PLCH1: variants seen among roughly 807,000 people sequenced by gnomAD.
PLCH1 encodes the protein 1-phosphatidylinositol 4,5-bisphosphate phosphodiesterase eta-1.
In PLCH1, 60 loss-of-function variants were observed where a neutral mutation model predicts 126.7. The ratio of observed to expected loss-of-function variants is 0.47; its 90% CI spans 0.38 to 0.59. The LOEUF (loss-of-function observed/expected upper bound fraction) is 0.59. PLCH1 is among the 20% of genes least tolerant of loss of function. The pLI is 0.00. For missense variants in PLCH1, 1,723 were observed against 2,040.0 expected (o/e 0.84, Z 2.99); for synonymous variants, 719 against 734.9 (o/e 0.98, Z 0.35).
intron 2 of PLCH1, among the ~76,000 whole-genome samples, chr3:155,648,449 T>G (rs918354807): frequency 2.6e-5 from 4 of 152,164 alleles, no homozygotes; most frequent in Non-Finnish European, 4.4e-5. Context: ...GAAAAAAGAC[T>G]CTTCCCCTTT....
At chr3:155,645,025 T>C (rs1739859715) in intron 2 of PLCH1, among the ~76,000 whole-genome samples, 1 of 152,180 alleles carries the variant, frequency 6.6e-6, no homozygotes, top group Non-Finnish European at 1.5e-5. Context: ...TTCTCATACA[T>C]GATCTCAACT....
intron 1 of PLCH1, among the ~76,000 whole-genome samples, chr3:155,735,835 T>C (rs1003181949): frequency 2.6e-5 from 4 of 152,180 alleles, no homozygotes; most frequent in African/African-American, 9.7e-5. Context: ...TGCTGATATA[T>C]AATGATACAC....
In PLCH1 at chr3:155,609,486, T is replaced by C. The variant is rs143772582; in HGVS notation, c.80-13108A>G. ...TTCTGGTACTATGACAAAAAAAGAT[T>C]CTATAGTACCCTCAAAAGATCACAC... On this transcript the variant is annotated intron_variant, in intron 2 of 22. Coordinates refer to ENST00000460012, the MANE Select transcript of PLCH1 (RefSeq NM_014996.4). Among the ~76,000 whole-genome samples, 12 of 152,180 alleles carry C rather than the reference T, an allele frequency of 7.9e-5. No homozygotes were observed. The East Asian group carries it at 1.9e-3, about 25-fold the overall frequency.
intron 2 of PLCH1, among the ~76,000 whole-genome samples, chr3:155,630,969 G>A (rs139991499): frequency 7.0e-4 from 106 of 152,220 alleles, no homozygotes; most frequent in African/African-American, 2.5e-3. Context: ...TGGAATTTAA[G>A]ATATTCTTTT....
chr3:155,570,325 T>C lies in PLCH1; in HGVS notation c.772-2001A>G, dbSNP rs140700226. The stretch of plus-strand genomic sequence containing the variant: ...CTCTTTACTGTCCTTCTTCACCCTG[T>C]TTTGCTTCCTATTTGACAGAGCTGA... On this transcript the variant is annotated intron_variant, in intron 6 of 22. Transcript: ENST00000460012. Among the ~76,000 whole-genome samples the C allele has an allele frequency of 6.1e-4, 93 of 152,292 alleles. 1 individual carries two copies. The highest frequency in any genetic ancestry group is 2.1e-3 in the African/African-American group (89 of 41,568).
chr3:155,451,367 C>T (rs528653039), intron 21 of PLCH1, among the ~76,000 whole-genome samples: 9 of 152,236 alleles, frequency 5.9e-5, no homozygotes, highest in African/African-American at 2.2e-4. Flanking sequence ...ATTTGAAAGA[C>T]TGCCTTATCC....
intron 2 of PLCH1, among the ~76,000 whole-genome samples, chr3:155,659,734 G>C (rs1023628736): frequency 6.6e-6 from 1 of 151,836 alleles, no homozygotes; most frequent in Non-Finnish European, 1.5e-5. Context: ...CCTGACCTCA[G>C]GTGATCCAGC....
intron 10 of PLCH1, among the ~76,000 whole-genome samples, chr3:155,528,819 G>A (rs1294153038): frequency 6.6e-6 from 1 of 152,190 alleles, no homozygotes; most frequent in Non-Finnish European, 1.5e-5. Flanking sequence ...AGGGTGGCAT[G>A]AGGTGAGGGA....
chr3:155,658,246 C>CAAG, intron 2 of PLCH1: 1 of 215,090 alleles, frequency 4.6e-6, no homozygotes, highest in Non-Finnish European at 9.9e-6. Context: ...ACCACACAGG[C>CAAG]AAGAGGGTGG....
intron 2 of PLCH1, among the ~76,000 whole-genome samples, chr3:155,616,862 C>T (rs761837899): frequency 1.3e-5 from 2 of 151,984 alleles, no homozygotes; most frequent in Admixed American, 6.6e-5. Context: ...TGTTTTAAAC[C>T]TTTGATATGT....
intron 2 of PLCH1, among the ~76,000 whole-genome samples, chr3:155,645,360 C>A (rs1028834721): frequency 6.6e-6 from 1 of 152,192 alleles, no homozygotes; most frequent in Non-Finnish European, 1.5e-5. Flanking sequence ...CAGGCGTGCA[C>A]CACTGATCCT....
chr3:155,456,890 A>G (rs1389179194), intron 21 of PLCH1: 1 of 152,948 alleles, frequency 6.5e-6, no homozygotes, highest in Non-Finnish European at 1.5e-5. Context: ...TGGCCACATA[A>G]TTTGGGTGGC....
chr3:155,453,435 T>C (rs749524916), intron 21 of PLCH1, among the ~76,000 whole-genome samples: 3 of 152,188 alleles, frequency 2.0e-5, no homozygotes, highest in Non-Finnish European at 4.4e-5. Flanking sequence ...GTGAAGGATA[T>C]GCAGGAATTA....
chr3:155,462,729 A>G (rs1712775109), intron 21 of PLCH1, among the ~76,000 whole-genome samples: 1 of 152,004 alleles, frequency 6.6e-6, no homozygotes. Flanking sequence ...TCAGCTACTC[A>G]GCTACTCGCA....
intron 1 of PLCH1, among the ~76,000 whole-genome samples, chr3:155,743,886 T>C (rs1186569436): frequency 6.6e-6 from 1 of 152,172 alleles, no homozygotes; most frequent in Non-Finnish European, 1.5e-5. Context: ...AGGAAGTAAA[T>C]GTTTTATTCG....
At chr3:155,461,121 T>C (rs1212773373) in intron 21 of PLCH1, among the ~76,000 whole-genome samples, 4 of 152,248 alleles carry the variant, frequency 2.6e-5, no homozygotes, top group Admixed American at 6.5e-5. Flanking sequence ...TGTTTTGTAA[T>C]GATCTCTATC....
rs941959310 is a variant in PLCH1, at chr3:155,485,675, A to G, written c.2655T>C (p.Asn885=). Residue 885 remains asparagine (N), a synonymous_variant, in exon 22 of 23, where the codon AAT becomes AAC. Transcript: ENST00000460012. ...RQLQGLKGLF[N]KNPRHSSSEN... is the part of the protein sequence containing the mutation. The stretch of plus-strand genomic sequence containing the variant: ...CTGAAGAACTGTGCCTAGGATTCTT[A>G]TTGAACAGTCCCTTCAGACCCTGGA... 1.9e-6 allele frequency: 3 copies of G among 1,604,520 alleles called. No homozygotes were observed. In the African/African-American group the frequency reaches 4.0e-5, roughly 21 times the overall value.
At chr3:155,567,957 C>A (rs1728727658) in intron 7 of PLCH1, among the ~76,000 whole-genome samples, 1 of 152,126 alleles carries the variant, frequency 6.6e-6, no homozygotes, top group South Asian at 2.1e-4. Flanking sequence ...TTGAGAAAAG[C>A]CCAAATATGT....
At chr3:155,488,884 C>T in intron 19 of PLCH1, 78 bp from the exon 20 acceptor site, 2 of 1,296,004 alleles carry the variant, frequency 1.5e-6, no homozygotes, top group Non-Finnish European at 2.1e-6. Context: ...ATCTGCAAAG[C>T]AGACGGTGAA....
Sources: allele counts gnomAD v4.1 joint callset (sites outside exome capture counted in the v4.1 genomes callset), GRCh38; gene constraint gnomAD v4.1.1; transcripts MANE v1.5; gene names NCBI Gene and HGNC (gene_info 2026-07-23, HGNC 2026-07-21).